Variants in RAB10 observed in about 807,000 individuals in gnomAD.
RAB10 encodes RAB10, member RAS oncogene family.
RAB10 carries 5 observed loss-of-function variants against 25.7 expected under a neutral mutation model. The observed-to-expected ratio is 0.19, with a 90% CI of 0.10 to 0.41. The LOEUF (loss-of-function observed/expected upper bound fraction) is 0.41, where lower values mean the gene tolerates loss of function less well. Among genes scored for constraint, RAB10 ranks in the 10% least tolerant of loss-of-function variants. The probability of loss-of-function intolerance (pLI) is 1.00; values close to 1 mark genes in which losing one functional copy is unlikely to be tolerated. For missense variants in RAB10, 103 were observed against 245.8 expected (o/e 0.42, Z 3.89); for synonymous variants, 89 against 86.4 (o/e 1.03, Z -0.16).
At chr2:26,090,502 C>CT (rs35732202) in intron 1 of RAB10, among the ~76,000 whole-genome samples, 111,381 of 143,366 alleles carry the variant, frequency 0.78, 43,042 homozygotes, top group East Asian at 0.81. Flanking sequence ...GTTTTCTTGC[C>CT]TTTTTTTTTT....
chr2:26,124,106 A>G (rs1404484193), intron 3 of RAB10, among the ~76,000 whole-genome samples: 8 of 152,174 alleles, frequency 5.3e-5, no homozygotes, highest in Middle Eastern at 6.8e-3. Context: ...CTCTAACTTT[A>G]TGGTAAGAAT....
chr2:26,070,583 C>T (rs577378486), intron 1 of RAB10, among the ~76,000 whole-genome samples: 17 of 152,116 alleles, frequency 1.1e-4, no homozygotes, highest in Non-Finnish European at 7.4e-5. Context: ...TATCATTTTA[C>T]AGGTAAGGAA....
intron 1 of RAB10, among the ~76,000 whole-genome samples, chr2:26,079,870 T>G (rs1666830855): frequency 6.6e-6 from 1 of 152,184 alleles, no homozygotes; most frequent in Non-Finnish European, 1.5e-5. Context: ...CTCATTATGT[T>G]GCCCAGGCTG....
intron 1 of RAB10, among the ~76,000 whole-genome samples, chr2:26,046,365 T>G (rs1227381089): frequency 6.6e-6 from 1 of 152,040 alleles, no homozygotes; most frequent in Non-Finnish European, 1.5e-5. Flanking sequence ...AAAAGTTGAT[T>G]AAAATGAAAT....
chr2:26,091,658 G>C (rs1667109699), intron 1 of RAB10, among the ~76,000 whole-genome samples: 1 of 152,082 alleles, frequency 6.6e-6, no homozygotes, highest in African/African-American at 2.4e-5. Flanking sequence ...TTGGAGTTCA[G>C]GGGAGAGTTG....
intron 3 of RAB10, 25 bp downstream of exon 3, chr2:26,109,931 C>A: frequency 1.3e-6 from 2 of 1,537,128 alleles, no homozygotes; most frequent in South Asian, 1.3e-5. Flanking sequence ...TTGTATAAAC[C>A]CTTCATGAAC....
intron 1 of RAB10, among the ~76,000 whole-genome samples, chr2:26,065,054 G>A (rs941393394): frequency 1.2e-4 from 19 of 152,260 alleles, no homozygotes; most frequent in Admixed American, 1.2e-3. Flanking sequence ...AGAGCAAGAC[G>A]CTGGCTCTTT....
intron 3 of RAB10, among the ~76,000 whole-genome samples, chr2:26,115,687 A>G (rs1404352308): frequency 6.6e-6 from 1 of 152,078 alleles, no homozygotes; most frequent in Non-Finnish European, 1.5e-5. Flanking sequence ...GTAAATAACT[A>G]AAAAAACACT....
chr2:26,052,861 T>C (rs1666166778), intron 1 of RAB10, among the ~76,000 whole-genome samples: 1 of 152,170 alleles, frequency 6.6e-6, no homozygotes, highest in African/African-American at 2.4e-5. Flanking sequence ...GGAAGCTATG[T>C]GTTGGGGTGT....
chr2:26,069,191 G>A (rs1187802774), intron 1 of RAB10, among the ~76,000 whole-genome samples: 1 of 152,138 alleles, frequency 6.6e-6, no homozygotes, highest in Non-Finnish European at 1.5e-5. Context: ...CCATGGTTGA[G>A]GCTAATGGTC....
At chr2:26,130,560 C>T (rs1215518579) in intron 5 of RAB10, among the ~76,000 whole-genome samples, 4 of 151,944 alleles carry the variant, frequency 2.6e-5, no homozygotes, top group Non-Finnish European at 4.4e-5. Context: ...CCTCCTGCTT[C>T]AGCTTTCTGA....
At chr2:26,063,496 C>CTA (rs951819213) in intron 1 of RAB10, among the ~76,000 whole-genome samples, 2 of 152,106 alleles carry the variant, frequency 1.3e-5, no homozygotes, top group African/African-American at 4.8e-5. Flanking sequence ...CACTTCATCT[C>CTA]TAAATACTTT....
At chr2:26,114,832 G>T (rs951818503) in intron 3 of RAB10, among the ~76,000 whole-genome samples, 10 of 151,844 alleles carry the variant, frequency 6.6e-5, no homozygotes, top group African/African-American at 1.2e-4. Flanking sequence ...AGCCCAGGAG[G>T]TCGAGGCTGC....
At chr2:26,094,227 C>T (rs78547849) in intron 1 of RAB10, among the ~76,000 whole-genome samples, 3 of 8,888 alleles carry the variant, frequency 3.4e-4, no homozygotes, top group Non-Finnish European at 5.8e-4. Context: ...TTATTTCATC[C>T]ATTTCATTTC....
intron 1 of RAB10, among the ~76,000 whole-genome samples, chr2:26,086,851 A>G (rs1666999361): frequency 6.6e-6 from 1 of 152,244 alleles, no homozygotes; most frequent in Admixed American, 6.5e-5. Context: ...AAACATACTA[A>G]GTGAAAGAAG....
At chr2:26,124,609 T>TA (rs1162677430) in intron 3 of RAB10, among the ~76,000 whole-genome samples, 1 of 151,952 alleles carries the variant, frequency 6.6e-6, no homozygotes, top group African/African-American at 2.4e-5. Flanking sequence ...GTGAAATACA[T>TA]ACAACATGAA....
intron 1 of RAB10, among the ~76,000 whole-genome samples, chr2:26,044,827 T>G (rs1401617198): frequency 6.7e-6 from 1 of 148,660 alleles, no homozygotes; most frequent in Non-Finnish European, 1.5e-5. Flanking sequence ...ATTACAGGTG[T>G]AAGCCATTGC....
At chr2:26,089,971 A>G (rs1470097) in intron 1 of RAB10, among the ~76,000 whole-genome samples, 111,798 of 152,092 alleles carry the variant, frequency 0.74, 41,545 homozygotes, top group East Asian at 0.87. Context: ...TATCTCATGT[A>G]GAATTGTCAG....
chr2:26,070,412 G>A (rs1045609783), intron 1 of RAB10, among the ~76,000 whole-genome samples: 2 of 152,184 alleles, frequency 1.3e-5, no homozygotes, highest in African/African-American at 4.8e-5. Context: ...GTCACTTAAA[G>A]TGACTATCTT....
Sources: gnomAD v4.1 joint callset for allele counts (sites outside exome capture counted in the v4.1 genomes callset) on GRCh38, gnomAD v4.1.1 for gene constraint, MANE v1.5 for transcripts, NCBI Gene and HGNC (gene_info 2026-07-23, HGNC 2026-07-21) for gene names.